The following MORC3 variants were observed in gnomAD, a reference collection of about 807,000 sequenced individuals.
The protein encoded by MORC3 is MORC family CW-type zinc finger protein 3.
MORC3 carries 31 observed loss-of-function variants against 109.1 expected under a neutral mutation model. The ratio of observed to expected loss-of-function variants is 0.28; its 90% CI spans 0.21 to 0.38. The LOEUF is 0.38. Ranked by LOEUF, MORC3 falls within the 10% of genes least tolerant of loss-of-function variation. The pLI is 1.00. For synonymous variants in MORC3, 395 were observed against 380.7 expected (o/e 1.04, Z -0.44); for missense variants, 867 against 1,135.8 (o/e 0.76, Z 3.40).
intron 1 of MORC3, among the ~76,000 whole-genome samples, chr21:36,329,300 C>CA (rs777499520): frequency 0.031 from 4,075 of 129,636 alleles, 163 homozygotes; most frequent in African/African-American, 0.1. Flanking sequence ...ATCTCAAAAA[C>CA]AAAAAAAAAA....
At chr21:36,365,266 G>A (rs887040107) in intron 14 of MORC3, among the ~76,000 whole-genome samples, 11 of 152,132 alleles carry the variant, frequency 7.2e-5, no homozygotes, top group African/African-American at 2.4e-4. Context: ...TGGTACTTAC[G>A]TTGGTTCCTG....
At chr21:36,347,477 T>TA (rs1243035144) in intron 8 of MORC3, among the ~76,000 whole-genome samples, 1 of 152,248 alleles carries the variant, frequency 6.6e-6, no homozygotes, top group Admixed American at 6.5e-5. Context: ...GATAGGCTGT[T>TA]ACAGCTAAAT....
chr21:36,330,710 T>TTAAG (rs771616477), intron 1 of MORC3, among the ~76,000 whole-genome samples: 2 of 152,156 alleles, frequency 1.3e-5, no homozygotes, highest in Non-Finnish European at 2.9e-5. Flanking sequence ...TGTCCCATGG[T>TTAAG]TAAGATGTAG....
intron 13 of MORC3, among the ~76,000 whole-genome samples, chr21:36,362,701 CTTAT>C (rs1252980142): frequency 6.6e-6 from 1 of 151,910 alleles, no homozygotes; most frequent in South Asian, 2.1e-4. Flanking sequence ...ATAGCTGTGT[CTTAT>C]ATTGTGTAGT....
chr21:36,320,441 G>C, intron 1 of MORC3, 138 bp downstream of exon 1: 1 of 817,472 alleles, frequency 1.2e-6, no homozygotes, highest in Non-Finnish European at 1.6e-6. Flanking sequence ...GGGAGGGGGC[G>C]GCCATCTCGC....
At chr21:36,367,741 C>T (rs931952141) in intron 14 of MORC3, among the ~76,000 whole-genome samples, 23 of 152,024 alleles carry the variant, frequency 1.5e-4, no homozygotes, top group African/African-American at 3.1e-4. Flanking sequence ...ATTTTTTTAA[C>T]GCAGGGAATA....
At chr21:36,338,053 A>G in intron 4 of MORC3, 107 bp downstream of exon 4, 1 of 1,127,596 alleles carries the variant, frequency 8.9e-7, no homozygotes, top group South Asian at 1.5e-5. Flanking sequence ...AATAACACCT[A>G]TTCCATTTCT....
intron 8 of MORC3, among the ~76,000 whole-genome samples, chr21:36,346,557 C>T (rs376896378): frequency 3.3e-5 from 5 of 151,880 alleles, no homozygotes; most frequent in African/African-American, 1.2e-4. Flanking sequence ...CCTGTAATCC[C>T]AGCATATTTG....
At chr21:36,346,964 C>A (rs993664950) in intron 8 of MORC3, among the ~76,000 whole-genome samples, 1 of 150,792 alleles carries the variant, frequency 6.6e-6, no homozygotes, top group Non-Finnish European at 1.5e-5. Flanking sequence ...ATGATTTTTG[C>A]CCCTGTACTC....
At chr21:36,324,223 TTTGAATTCTCCC>T (rs2085223591) in intron 1 of MORC3, among the ~76,000 whole-genome samples, 1 of 152,106 alleles carries the variant, frequency 6.6e-6, no homozygotes, top group Admixed American at 6.6e-5. Flanking sequence ...TGAATGTCTT[TTTGAATTCTCCC>T]TGGACAAAAT....
chr21:36,345,484 A>G (rs1295674309), intron 8 of MORC3, among the ~76,000 whole-genome samples: 3 of 148,754 alleles, frequency 2.0e-5, no homozygotes, highest in Non-Finnish European at 4.5e-5. Context: ...TGCAGTGGCG[A>G]TATCTCGGCT....
Position 36,359,817 on chromosome 21 carries a change from A to C in MORC3, c.1209-138A>C, listed in dbSNP as rs1378919070. The C allele has an allele frequency of 3.1e-6, 4 of 1,291,772 alleles. No individual in the cohort carries two copies. The East Asian group carries it at 9.5e-5, about 31-fold the overall frequency. The allele number at this position is 1,291,772 out of a possible 1,614,324, so 80.0% of individuals were successfully genotyped here. On this transcript the variant is annotated intron_variant, in intron 10 of 16. Coordinates refer to ENST00000400485, the MANE Select transcript of MORC3 (RefSeq NM_015358.3). ...GGCATGAGCCGTCGCACCCAGCCTA[A>C]TTTTGAAAGAGTTACGTCATAATTT...
At chr21:36,335,467 C>G (rs549541756) in intron 2 of MORC3, among the ~76,000 whole-genome samples, 1 of 152,016 alleles carries the variant, frequency 6.6e-6, no homozygotes, top group South Asian at 2.1e-4. Context: ...AGGCACATGC[C>G]ACCGCTCCTG....
At position 36,320,226 on chromosome 21, in the gene MORC3, T is replaced by A. The variant is rs375113335; in HGVS notation, c.-39T>A. The A allele has an allele frequency of 5.7e-6, 9 of 1,568,546 alleles. No individual in the cohort carries two copies. The East Asian group carries it at 7.2e-5, about 13-fold the overall frequency. On this transcript the variant is annotated 5_prime_UTR_variant, in exon 1 of 17. Coordinates refer to ENST00000400485, the MANE Select transcript of MORC3 (RefSeq NM_015358.3). ...TCGTTCCGCCACCTCCCAGTCGGGTTGCGGCGGAGGCCGTTCCTGGCTTTG... is the reference window on the plus strand; with the variant it reads ...TCGTTCCGCCACCTCCCAGTCGGGTAGCGGCGGAGGCCGTTCCTGGCTTTG...
At chr21:36,328,108 G>A (rs2085270636) in intron 1 of MORC3, among the ~76,000 whole-genome samples, 2 of 151,574 alleles carry the variant, frequency 1.3e-5, no homozygotes, top group Non-Finnish European at 1.5e-5. Flanking sequence ...AACACCTGAC[G>A]TCAAATGATC....
chr21:36,374,535 C>G (rs1425685046), intron 16 of MORC3, among the ~76,000 whole-genome samples: 1 of 152,056 alleles, frequency 6.6e-6, no homozygotes, highest in African/African-American at 2.4e-5. Flanking sequence ...TGGTTCATGC[C>G]TGTAATCCCA....
intron 2 of MORC3, among the ~76,000 whole-genome samples, chr21:36,335,015 A>G (rs1193846511): frequency 1.3e-5 from 2 of 152,058 alleles, no homozygotes; most frequent in Non-Finnish European, 2.9e-5. Flanking sequence ...CTGTAGTCCT[A>G]GTGACTCGGG....
intron 1 of MORC3, among the ~76,000 whole-genome samples, chr21:36,324,950 C>T (rs1031472060): frequency 1.3e-5 from 2 of 152,028 alleles, no homozygotes; most frequent in African/African-American, 4.8e-5. Context: ...CTCAACTGAT[C>T]CACCCGCCTC....
At chr21:36,364,561 G>A (rs2085756756) in intron 14 of MORC3, among the ~76,000 whole-genome samples, 1 of 151,548 alleles carries the variant, frequency 6.6e-6, no homozygotes, top group East Asian at 2.0e-4. Context: ...GCGGGCACCT[G>A]TAATCCCAGC....
Sources: allele counts gnomAD v4.1 joint callset (sites outside exome capture counted in the v4.1 genomes callset), GRCh38; gene constraint gnomAD v4.1.1; transcripts MANE v1.5; gene names NCBI Gene and HGNC (gene_info 2026-07-23, HGNC 2026-07-21).